MOSMO: variants seen among roughly 807,000 people sequenced by gnomAD.
MOSMO encodes modulator of smoothened protein.
MOSMO carries 5 observed loss-of-function variants against 18.4 expected under a neutral mutation model. That is an observed-to-expected ratio of 0.27 (90% CI 0.14 to 0.57). The LOEUF (loss-of-function observed/expected upper bound fraction) is 0.57. MOSMO is among the 20% of genes least tolerant of loss of function. The pLI, the probability that MOSMO is intolerant of heterozygous loss-of-function variation, is 0.92. For missense variants in MOSMO, 138 were observed against 211.8 expected (o/e 0.65, Z 2.16); for synonymous variants, 82 against 82.3 (o/e 1.00, Z 0.02).
At position 22,009,804 on chromosome 16, in the gene MOSMO, C is replaced by CAAAAAAAAAAAAAAAA. The variant is rs56313303; in HGVS notation, c.106+1415_106+1430dup. Among the ~76,000 whole-genome samples, 21 of 35,964 alleles carry CAAAAAAAAAAAAAAAA rather than the reference C, an allele frequency of 5.8e-4. 1 individual carries two copies. Among genetic ancestry groups the CAAAAAAAAAAAAAAAA allele is most frequent in the East Asian group, 1.3e-3 (1 of 792 alleles). The allele number at this position is 35,964 out of a possible 152,430, so 23.6% of individuals were successfully genotyped here. ...CGAAACCCCGTCTCTACTAAAAATA[C>CAAAAAAAAAAAAAAAA]AAAAAAAAAAAAAAAAAAAAAAAAA... On this transcript the variant is annotated intron_variant, in intron 1 of 2. Transcript: ENST00000542527.
chr16:22,075,544 C>T lies in MOSMO; in HGVS notation c.164C>T (p.Thr55Met), dbSNP rs779883703. 19 of 1,537,214 alleles carry T rather than the reference C, an allele frequency of 1.2e-5. No homozygotes were observed. Among genetic ancestry groups the T allele is most frequent in the South Asian group, 4.8e-5 (4 of 84,068 alleles). The change falls in exon 2 of 3, where the codon ACG (threonine) becomes ATG (methionine). Residue 55 changes from threonine to methionine, a missense_variant. Physicochemically the swap from Thr to Met is moderately conservative, Grantham distance 81 (BLOSUM62 -1). Transcript: ENST00000542527. Reference sequence around the variant, plus strand: ...CAAACAATCCATGGACGAGACCGGACGTGCATCCCTCCCCGGCTTCCCCCG... The same window carrying T: ...CAAACAATCCATGGACGAGACCGGATGTGCATCCCTCCCCGGCTTCCCCCG... ...QCQTIHGRDRTCIPPRLPPEW... is the reference protein window; with the variant it reads ...QCQTIHGRDRMCIPPRLPPEW...
chr16:22,030,016 C>T (rs1899961521), intron 1 of MOSMO, among the ~76,000 whole-genome samples: 1 of 152,156 alleles, frequency 6.6e-6, no homozygotes, highest in South Asian at 2.1e-4. Flanking sequence ...CTCCTCTCAC[C>T]ATAAATTCAT....
At position 22,081,079 on chromosome 16, in the gene MOSMO, AAAG is replaced by A. The variant is rs1017143467; in HGVS notation, c.*200_*202del. On this transcript the variant is annotated 3_prime_UTR_variant, in exon 3 of 3. Transcript: ENST00000542527. ...ACTTTGGATTTAAAAAAAAAAAAAA[AAAG>A]GAGAGCCTTTTCCATAACCAAATAC... 22 of 278,456 alleles carry A rather than the reference AAAG, an allele frequency of 7.9e-5. No homozygotes were observed. The South Asian group carries it at 2.9e-3, about 37-fold the overall frequency. The allele number at this position is 278,456 out of a possible 1,614,324, so 17.2% of individuals were successfully genotyped here. A position where few individuals can be genotyped will look rare whatever the true frequency, so the allele number is the denominator to read the frequency against.
chr16:22,078,066 G>T (rs530713525), intron 2 of MOSMO, among the ~76,000 whole-genome samples: 29 of 152,168 alleles, frequency 1.9e-4, no homozygotes, highest in African/African-American at 6.7e-4. Context: ...CATGATGGGG[G>T]TTCCCTATGG....
chr16:22,085,569 A>T (rs780142158), downstream of MOSMO: 16 of 152,128 alleles, frequency 1.1e-4, no homozygotes, highest in Non-Finnish European at 1.9e-4. Flanking sequence ...GGAAAAGGTA[A>T]CACAGTGGCT....
At chr16:22,087,630 G>C (rs139625440), downstream of MOSMO, 31 of 152,246 alleles carry the variant, frequency 2.0e-4, no homozygotes, top group African/African-American at 7.2e-4. Flanking sequence ...TTTAAAAACT[G>C]ACATATCTAA....
At position 22,080,911 on chromosome 16, in the gene MOSMO, T is replaced by TTTTTA. The variant is rs1400336843; in HGVS notation, c.*46_*50dup. The TTTTTA allele has an allele frequency of 8.9e-7, 1 of 1,120,420 alleles. No homozygotes were observed. The highest frequency in any genetic ancestry group is 1.2e-6 in the Non-Finnish European group (1 of 860,956). 69.4% of individuals were successfully genotyped at this position (1,120,420 alleles called of 1,614,324 possible). On this transcript the variant is annotated 3_prime_UTR_variant, in exon 3 of 3. Coordinates refer to ENST00000542527, the MANE Select transcript of MOSMO (RefSeq NM_001164579.2). ...GTCTAAATTGCTTGACTCTTATTAT[T>TTTTTA]TTTTATTTTATTTTATTTTTTTATT...
chr16:22,051,924 C>T (rs980765321), intron 1 of MOSMO, among the ~76,000 whole-genome samples: 3 of 152,032 alleles, frequency 2.0e-5, no homozygotes, highest in African/African-American at 4.8e-5. Flanking sequence ...AGAAACCCCA[C>T]GCATTTGGTC....
intron 1 of MOSMO, among the ~76,000 whole-genome samples, chr16:22,074,830 A>G (rs569848663): frequency 1.3e-5 from 2 of 152,344 alleles, no homozygotes; most frequent in Admixed American, 6.5e-5. Flanking sequence ...GAACACTTGT[A>G]AACTCTACAA....
At chr16:22,074,420 C>G (rs929592406) in intron 1 of MOSMO, among the ~76,000 whole-genome samples, 1 of 151,896 alleles carries the variant, frequency 6.6e-6, no homozygotes, top group East Asian at 1.9e-4. Flanking sequence ...AGAATGTAGA[C>G]CAAAAAAATC....
intron 1 of MOSMO, among the ~76,000 whole-genome samples, chr16:22,051,761 C>T (rs1057505249): frequency 4.6e-5 from 7 of 152,146 alleles, no homozygotes; most frequent in Admixed American, 1.3e-4. Context: ...TTGGAGGCCC[C>T]GGCTTGTGAC....
chr16:22,067,001 TAAAGG>T (rs2141768259), intron 1 of MOSMO, among the ~76,000 whole-genome samples: 1 of 152,180 alleles, frequency 6.6e-6, no homozygotes, highest in African/African-American at 2.4e-5. Flanking sequence ...AACAAAGAAT[TAAAGG>T]AAAGTTTGAA....
At chr16:22,044,666 C>G (rs759819454) in intron 1 of MOSMO, among the ~76,000 whole-genome samples, 3 of 152,162 alleles carry the variant, frequency 2.0e-5, no homozygotes, top group Non-Finnish European at 2.9e-5. Flanking sequence ...ACTACTTACT[C>G]TCTCCATTTC....
At chr16:22,088,242 G>C (rs1901225433), downstream of MOSMO, among the ~76,000 whole-genome samples, 1 of 152,130 alleles carries the variant, frequency 6.6e-6, no homozygotes, top group Non-Finnish European at 1.5e-5. Flanking sequence ...ATGTTGACCA[G>C]GGTCGTCTCC....
intron 1 of MOSMO, among the ~76,000 whole-genome samples, chr16:22,070,361 ATT>A (rs1305969303): frequency 6.6e-6 from 1 of 152,214 alleles, no homozygotes; most frequent in Non-Finnish European, 1.5e-5. Context: ...AGAAATTTCT[ATT>A]GAGTCAGGGC....
At position 22,016,306 on chromosome 16, in the gene MOSMO, C is replaced by T. The variant is rs1009715834; in HGVS notation, c.106+7899C>T. Among the ~76,000 whole-genome samples the T allele has an allele frequency of 8.5e-5, 13 of 152,292 alleles. No homozygotes were observed. In the South Asian group the frequency reaches 1.9e-3, roughly 22 times the overall value. The stretch of plus-strand genomic sequence containing the variant: ...TAAAATGTGGCATATAAGAGATTAG[C>T]ACATTGTCCGATACTTAGTAAATGC... On this transcript the variant is annotated intron_variant, in intron 1 of 2. Coordinates refer to ENST00000542527, the MANE Select transcript of MOSMO (RefSeq NM_001164579.2).
intron 1 of MOSMO, among the ~76,000 whole-genome samples, chr16:22,041,625 T>A (rs1900211226): frequency 6.6e-6 from 1 of 152,194 alleles, no homozygotes; most frequent in African/African-American, 2.4e-5. Flanking sequence ...AGTAAAGGGT[T>A]AAGCTTCAGG....
At chr16:22,079,810 G>A (rs1431182313) in intron 2 of MOSMO, among the ~76,000 whole-genome samples, 1 of 152,106 alleles carries the variant, frequency 6.6e-6, no homozygotes, top group African/African-American at 2.4e-5. Context: ...TTGAGACAGA[G>A]TCTCAGTCTG....
intron 1 of MOSMO, 81 bp downstream of exon 1, chr16:22,008,488 A>ACGGGGTGGAGGGTCCCGGC (rs1899439779): frequency 1.1e-6 from 1 of 909,298 alleles, no homozygotes; most frequent in Non-Finnish European, 1.5e-6. Flanking sequence ...TGAGGAGAGG[A>ACGGGGTGGAGGGTCCCGGC]CGGGGTGGAG....
Sources: allele counts gnomAD v4.1 joint callset (sites outside exome capture counted in the v4.1 genomes callset), GRCh38; gene constraint gnomAD v4.1.1; transcripts MANE v1.5; gene names NCBI Gene and HGNC (gene_info 2026-07-23, HGNC 2026-07-21).